Variants in ADK observed in about 807,000 individuals in gnomAD.
The protein encoded by ADK is N6,N6-dimethyladenosine kinase.
A neutral mutation model predicts 44.7 loss-of-function variants in ADK; 24 were observed. That is an observed-to-expected ratio of 0.54 (90% CI 0.39 to 0.76). ADK has a LOEUF of 0.76. Among genes scored for constraint, ADK ranks in the 30% least tolerant of loss-of-function variants. The pLI is 0.00. For missense variants in ADK, 321 were observed against 425.1 expected, an observed-to-expected ratio of 0.76 and a Z score of 2.15; for synonymous variants, 128 against 142.6, an observed-to-expected ratio of 0.90 and a Z score of 0.73.
At chr10:74,304,547 A>G (rs1430181511) in intron 3 of ADK, among the ~76,000 whole-genome samples, 2 of 152,218 alleles carry the variant, frequency 1.3e-5, no homozygotes, top group Admixed American at 1.3e-4. Context: ...GCAGTAGGTG[A>G]CAGGGATACA....
chr10:74,685,765 C>T (rs865793989), intron 10 of ADK, among the ~76,000 whole-genome samples: 2 of 152,142 alleles, frequency 1.3e-5, no homozygotes, highest in African/African-American at 4.8e-5. Context: ...TGTGAGAGAG[C>T]TCGTTGGATG....
intron 9 of ADK, among the ~76,000 whole-genome samples, chr10:74,665,305 A>G (rs1854905251): frequency 6.6e-6 from 1 of 152,224 alleles, no homozygotes; most frequent in African/African-American, 2.4e-5. Flanking sequence ...ATGGCATAAG[A>G]ATGTGAAGGG....
chr10:74,683,467 T>C (rs1391245349), intron 10 of ADK, among the ~76,000 whole-genome samples: 1 of 152,198 alleles, frequency 6.6e-6, no homozygotes, highest in Non-Finnish European at 1.5e-5. Context: ...CTCCCAAATG[T>C]AGATGACAAA....
chr10:74,620,487 A>C (rs1476357342), intron 9 of ADK, among the ~76,000 whole-genome samples: 2 of 152,350 alleles, frequency 1.3e-5, no homozygotes, highest in East Asian at 3.9e-4. Flanking sequence ...GATCATGTAT[A>C]TATACCACAC....
At chr10:74,506,219 C>T (rs780741827) in intron 6 of ADK, 3 of 159,084 alleles carry the variant, frequency 1.9e-5, no homozygotes, top group East Asian at 1.8e-4. Flanking sequence ...TGCCTGCTGT[C>T]GTAGCTGCAG....
At chr10:74,180,407 T>C (rs944247706) in intron 1 of ADK, among the ~76,000 whole-genome samples, 1 of 149,988 alleles carries the variant, frequency 6.7e-6, no homozygotes, top group African/African-American at 2.4e-5. Context: ...CAGCTAATTT[T>C]TTTCTATTTT....
intron 2 of ADK, among the ~76,000 whole-genome samples, chr10:74,213,675 A>C (rs1349710498): frequency 2.0e-5 from 3 of 152,256 alleles, no homozygotes; most frequent in Admixed American, 2.0e-4. Context: ...ATATAAGAAT[A>C]GTCAATAATA....
chr10:74,346,871 G>A (rs1471150595), intron 4 of ADK, among the ~76,000 whole-genome samples: 5 of 152,076 alleles, frequency 3.3e-5, no homozygotes, highest in Non-Finnish European at 5.9e-5. Flanking sequence ...AGTGCTTTGG[G>A]AGGCTGAGGC....
chr10:74,532,759 G>A (rs1849332432), intron 7 of ADK, among the ~76,000 whole-genome samples: 1 of 151,584 alleles, frequency 6.6e-6, no homozygotes, highest in South Asian at 2.1e-4. Flanking sequence ...AAATTAGCTG[G>A]GCATGGTGGC....
intron 7 of ADK, among the ~76,000 whole-genome samples, chr10:74,532,040 C>G (rs1213289444): frequency 6.6e-6 from 1 of 152,108 alleles, no homozygotes; most frequent in Non-Finnish European, 1.5e-5. Flanking sequence ...TTTAGCACAT[C>G]AAACCGAACA....
chr10:74,622,170 G>C (rs1853017857), intron 9 of ADK, among the ~76,000 whole-genome samples: 1 of 152,016 alleles, frequency 6.6e-6, no homozygotes, highest in Non-Finnish European at 1.5e-5. Context: ...AGTTCTGTCT[G>C]TCTTGACAGT....
chr10:74,496,779 T>G (rs1847702965), intron 6 of ADK, among the ~76,000 whole-genome samples: 1 of 152,178 alleles, frequency 6.6e-6, no homozygotes, highest in Non-Finnish European at 1.5e-5. Context: ...AGAAATACTA[T>G]CTTAAAATCA....
At chr10:74,399,614 C>T (rs776985619) in intron 6 of ADK, among the ~76,000 whole-genome samples, 4 of 151,412 alleles carry the variant, frequency 2.6e-5, no homozygotes, top group Admixed American at 6.6e-5. Context: ...AATATTTTAC[C>T]CCTTTATTAT....
intron 5 of ADK, among the ~76,000 whole-genome samples, chr10:74,396,033 C>G (rs562645725): frequency 6.6e-6 from 1 of 152,032 alleles, no homozygotes; most frequent in East Asian, 1.9e-4. Context: ...AGAGAGAGAA[C>G]AGTTATGATA....
chr10:74,452,130 G>T (rs1845801447), intron 6 of ADK, among the ~76,000 whole-genome samples: 1 of 151,798 alleles, frequency 6.6e-6, no homozygotes, highest in Non-Finnish European at 1.5e-5. Context: ...AGTTATTTTA[G>T]TAAATTTGTA....
intron 1 of ADK, among the ~76,000 whole-genome samples, chr10:74,187,740 T>C (rs1842809677): frequency 6.6e-6 from 1 of 152,200 alleles, no homozygotes; most frequent in Admixed American, 6.5e-5. Flanking sequence ...GCTTTATGTT[T>C]TTGTCTTTTG....
chr10:74,172,411 C>T (rs1842188617), intron 1 of ADK, among the ~76,000 whole-genome samples: 1 of 152,074 alleles, frequency 6.6e-6, no homozygotes, highest in East Asian at 1.9e-4. Context: ...AGCTGATTGG[C>T]TGGGCGCGGT....
At chr10:74,611,488 CTTTT>C (rs779755217) in intron 9 of ADK, among the ~76,000 whole-genome samples, 1 of 137,624 alleles carries the variant, frequency 7.3e-6, no homozygotes. Context: ...ACAGTCCTAC[CTTTT>C]TTTTTTTTTT....
intron 1 of ADK, among the ~76,000 whole-genome samples, chr10:74,184,624 G>A (rs1203574802): frequency 6.6e-6 from 1 of 151,900 alleles, no homozygotes; most frequent in Admixed American, 6.6e-5. Context: ...TCTTGGTCAA[G>A]TGATCCTCCC....
Sources: gnomAD v4.1 joint callset for allele counts (sites outside exome capture counted in the v4.1 genomes callset) on GRCh38, gnomAD v4.1.1 for gene constraint, MANE v1.5 for transcripts, NCBI Gene and HGNC (gene_info 2026-07-23, HGNC 2026-07-21) for gene names.